NTM: variants seen among roughly 807,000 people sequenced by gnomAD.
NTM encodes the protein IgLON family member 2.
A neutral mutation model predicts 42.1 loss-of-function variants in NTM; 13 were observed. That is an observed-to-expected ratio of 0.31 (90% CI 0.20 to 0.49). NTM has a LOEUF of 0.49. NTM is among the 20% of genes least tolerant of loss of function. NTM has a pLI of 0.99. For synonymous variants in NTM, 187 were observed against 179.2 expected, an observed-to-expected ratio of 1.04 and a Z score of -0.35; for missense variants, 373 against 452.8, an observed-to-expected ratio of 0.82 and a Z score of 1.60.
At chr11:131,591,579 C>A (rs10894415) in intron 1 of NTM, among the ~76,000 whole-genome samples, 61,166 of 152,090 alleles carry the variant, frequency 0.4, 14,111 homozygotes, top group East Asian at 0.56. Context: ...TAGTTCCCAG[C>A]TCAAATGAGC....
chr11:132,195,252 T>A (rs965894355), intron 3 of NTM, among the ~76,000 whole-genome samples: 3 of 151,690 alleles, frequency 2.0e-5, no homozygotes, highest in African/African-American at 7.3e-5. Flanking sequence ...AGGTAAAAAA[T>A]CTATACAATG....
intron 1 of NTM, among the ~76,000 whole-genome samples, chr11:131,373,272 C>T (rs1941469123): frequency 6.6e-6 from 1 of 152,204 alleles, no homozygotes; most frequent in Non-Finnish European, 1.5e-5. Context: ...TGCATTGACC[C>T]AGTGGGACTA....
chr11:131,820,567 C>A (rs2093143034), intron 1 of NTM, among the ~76,000 whole-genome samples: 1 of 152,112 alleles, frequency 6.6e-6, no homozygotes, highest in Non-Finnish European at 1.5e-5. Flanking sequence ...GCCAAGGCCA[C>A]CTGAGAGTCT....
At chr11:131,990,538 G>A (rs1379312481) in intron 2 of NTM, among the ~76,000 whole-genome samples, 1 of 151,934 alleles carries the variant, frequency 6.6e-6, no homozygotes, top group Non-Finnish European at 1.5e-5. Flanking sequence ...TATAATGTGT[G>A]TGTGTCTATA....
intron 2 of NTM, among the ~76,000 whole-genome samples, chr11:132,035,774 A>T (rs1188586963): frequency 6.6e-6 from 1 of 152,028 alleles, no homozygotes. Flanking sequence ...AGGAAGGAGG[A>T]TGCTGGCTGG....
At chr11:132,196,182 A>G (rs747678136) in intron 3 of NTM, among the ~76,000 whole-genome samples, 80 of 152,214 alleles carry the variant, frequency 5.3e-4, no homozygotes, top group Non-Finnish European at 1.1e-3. Context: ...TGGCTAAGAA[A>G]TATATGGGAA....
At chr11:132,064,611 C>T (rs1044274650) in intron 2 of NTM, among the ~76,000 whole-genome samples, 2 of 152,098 alleles carry the variant, frequency 1.3e-5, no homozygotes, top group African/African-American at 4.8e-5. Flanking sequence ...CATGGGATTT[C>T]GGATGATTTA....
chr11:132,005,972 T>C (rs1466070928), intron 2 of NTM, among the ~76,000 whole-genome samples: 1 of 152,208 alleles, frequency 6.6e-6, no homozygotes, highest in Non-Finnish European at 1.5e-5. Flanking sequence ...GTTTCAATTA[T>C]TAGTGTTTTC....
At chr11:131,418,211 C>T (rs138871383) in intron 1 of NTM, among the ~76,000 whole-genome samples, 2 of 152,300 alleles carry the variant, frequency 1.3e-5, no homozygotes, top group African/African-American at 4.8e-5. Flanking sequence ...GTCAACAAAG[C>T]AATTTTGAAT....
In NTM at chr11:131,852,827, T is replaced by C. The variant is rs190155753; in HGVS notation, c.83-58737T>C. Among the ~76,000 whole-genome samples the C allele has an allele frequency of 2.6e-5, 4 of 151,218 alleles. No homozygotes were observed. The East Asian group carries it at 7.8e-4, about 30-fold the overall frequency. ...TTCATCCACTCATCAATTCATCTTCTATTCACCCACCCATCCATCCACCCA... is the reference window on the plus strand; with the variant it reads ...TTCATCCACTCATCAATTCATCTTCCATTCACCCACCCATCCATCCACCCA... On this transcript the variant is annotated intron_variant, in intron 1 of 8. Transcript: ENST00000683400.
chr11:131,502,254 C>T (rs1043749861), intron 1 of NTM, among the ~76,000 whole-genome samples: 44 of 152,134 alleles, frequency 2.9e-4, no homozygotes, highest in African/African-American at 1.0e-3. Flanking sequence ...ATCATGATTG[C>T]TGCCCTTATG....
intron 4 of NTM, among the ~76,000 whole-genome samples, chr11:132,214,118 C>G (rs2083385204): frequency 2.0e-5 from 3 of 152,148 alleles, no homozygotes; most frequent in Admixed American, 2.0e-4. Context: ...TTTGAAATGA[C>G]CTCACATGTG....
intron 1 of NTM, among the ~76,000 whole-genome samples, chr11:131,901,592 A>G (rs1341541721): frequency 6.6e-6 from 1 of 152,088 alleles, no homozygotes; most frequent in African/African-American, 2.4e-5. Flanking sequence ...ATACTTGGCC[A>G]TATAGAAACA....
chr11:131,945,913 G>A (rs2060292298), intron 2 of NTM, among the ~76,000 whole-genome samples: 1 of 152,212 alleles, frequency 6.6e-6, no homozygotes, highest in Non-Finnish European at 1.5e-5. Context: ...TCTATTAAAT[G>A]TCTCCCAGTG....
chr11:131,561,561 C>T (rs1565641095), intron 1 of NTM, among the ~76,000 whole-genome samples: 1 of 151,330 alleles, frequency 6.6e-6, no homozygotes, highest in African/African-American at 2.5e-5. Flanking sequence ...TGTGGCCATT[C>T]ACTTAGTTAC....
chr11:132,313,354 C>T (rs2095334062), intron 6 of NTM, among the ~76,000 whole-genome samples: 1 of 152,018 alleles, frequency 6.6e-6, no homozygotes, highest in Admixed American at 6.5e-5. Flanking sequence ...TGAATCTGTT[C>T]CAGTGTGCTC....
chr11:131,519,249 T>G (rs2049289040), intron 1 of NTM, among the ~76,000 whole-genome samples: 1 of 152,222 alleles, frequency 6.6e-6, no homozygotes, highest in Non-Finnish European at 1.5e-5. Flanking sequence ...CACTGGGACC[T>G]AGAACCTGCT....
At chr11:131,381,863 G>A (rs1227221884) in intron 1 of NTM, among the ~76,000 whole-genome samples, 1 of 152,158 alleles carries the variant, frequency 6.6e-6, no homozygotes, top group Non-Finnish European at 1.5e-5. Flanking sequence ...CCTGGCACAG[G>A]TCAGAATAGG....
intron 1 of NTM, among the ~76,000 whole-genome samples, chr11:131,907,529 A>T: frequency 6.6e-6 from 1 of 152,210 alleles, no homozygotes; most frequent in Non-Finnish European, 1.5e-5. Context: ...GCATTGTCCT[A>T]TAGATATTTT....
Sources: allele counts gnomAD v4.1 joint callset (sites outside exome capture counted in the v4.1 genomes callset), GRCh38; gene constraint gnomAD v4.1.1; transcripts MANE v1.5; gene names NCBI Gene and HGNC (gene_info 2026-07-23, HGNC 2026-07-21).